CERS6: variants seen among roughly 807,000 people sequenced by gnomAD.
The protein encoded by CERS6 is LAG1 homolog, ceramide synthase 6.
In CERS6, 26 loss-of-function variants were observed where a neutral mutation model predicts 56.8. The ratio of observed to expected loss-of-function variants is 0.46; its 90% confidence interval spans 0.34 to 0.63. CERS6 has a LOEUF of 0.63. Among genes scored for constraint, CERS6 ranks in the 30% least tolerant of loss-of-function variants. The pLI is 0.01. For missense variants in CERS6, 415 were observed against 467.5 expected, an observed-to-expected ratio of 0.89 and a Z score of 1.04; for synonymous variants, 164 against 173.3, an observed-to-expected ratio of 0.95 and a Z score of 0.42.
At chr2:168,703,487 G>C (rs1686854659) in intron 6 of CERS6, among the ~76,000 whole-genome samples, 1 of 152,168 alleles carries the variant, frequency 6.6e-6, no homozygotes, top group South Asian at 2.1e-4. Flanking sequence ...GAACCCGAGA[G>C]GCGGAGATTG....
rs1490366590 is a variant in CERS6 at position 168,460,785 on chromosome 2, A to T, written c.170+4167A>T. On this transcript the variant is annotated intron_variant, in intron 1 of 9. Transcript: ENST00000305747. Reference sequence around the variant, plus strand: ...GGCTCTCAAAATGCTAGGCTATGTGAGGAGTGTCATCCTTTGGGAGGCTGA... The same window carrying T: ...GGCTCTCAAAATGCTAGGCTATGTGTGGAGTGTCATCCTTTGGGAGGCTGA... 3.3e-5 allele frequency among the ~76,000 whole-genome samples: 5 copies of T among 151,998 alleles called. No individual in the cohort carries two copies. In the East Asian group the frequency reaches 9.7e-4, roughly 30 times the overall value.
At chr2:168,531,750 G>A (rs903506211) in intron 1 of CERS6, among the ~76,000 whole-genome samples, 2 of 151,808 alleles carry the variant, frequency 1.3e-5, no homozygotes, top group African/African-American at 4.8e-5. Context: ...GAACCTGAGA[G>A]GTGGAGGTTG....
intron 4 of CERS6, among the ~76,000 whole-genome samples, chr2:168,634,719 G>A (rs1260585185): frequency 6.6e-6 from 1 of 152,096 alleles, no homozygotes; most frequent in Non-Finnish European, 1.5e-5. Context: ...GACACATGTG[G>A]TACATTTTGT....
intron 3 of CERS6, among the ~76,000 whole-genome samples, chr2:168,573,442 A>G (rs1427605536): frequency 6.6e-6 from 1 of 152,184 alleles, no homozygotes; most frequent in Non-Finnish European, 1.5e-5. Flanking sequence ...CAGAGTTACT[A>G]TTGAAGTATA....
At chr2:168,569,530 CGCGTGCACACGCGTGTGT>C (rs1164349973) in intron 3 of CERS6, among the ~76,000 whole-genome samples, 1 of 152,122 alleles carries the variant, frequency 6.6e-6, no homozygotes, top group Non-Finnish European at 1.5e-5. Flanking sequence ...TGTGTGTGTG[CGCGTGCACACGCGTGTGT>C]GCATATATAC....
chr2:168,748,061 A>AAAATCTGTG (rs527283876), intron 8 of CERS6, among the ~76,000 whole-genome samples: 86 of 152,358 alleles, frequency 5.6e-4, no homozygotes, highest in African/African-American at 1.9e-3. Flanking sequence ...TTTTCTCATC[A>AAAATCTGTG]AAATCTGTGA....
intron 3 of CERS6, among the ~76,000 whole-genome samples, chr2:168,617,817 G>A (rs1436369766): frequency 6.6e-6 from 1 of 152,132 alleles, no homozygotes; most frequent in Non-Finnish European, 1.5e-5. Context: ...AGTACGATTG[G>A]TACCAATCCT....
chr2:168,571,874 G>A (rs1467744058), intron 3 of CERS6, among the ~76,000 whole-genome samples: 1 of 152,132 alleles, frequency 6.6e-6, no homozygotes, highest in Non-Finnish European at 1.5e-5. Flanking sequence ...ATTATTGACT[G>A]CAAGGTGAGC....
At chr2:168,521,254 G>T (rs1360197471) in intron 1 of CERS6, among the ~76,000 whole-genome samples, 1 of 152,206 alleles carries the variant, frequency 6.6e-6, no homozygotes. Flanking sequence ...GTTATGTTCT[G>T]TAAGTGAAAC....
chr2:168,670,980 C>CCG (rs397710827), intron 4 of CERS6, among the ~76,000 whole-genome samples: 1 of 82,232 alleles, frequency 1.2e-5, no homozygotes, highest in South Asian at 6.7e-4. Flanking sequence ...CCCCCCCCCC[C>CCG]AGACGGAAGC....
In CERS6 at chr2:168,675,937, G is replaced by T. The variant is rs10165391; in HGVS notation, c.466-15097G>T. On this transcript the variant is annotated intron_variant, in intron 4 of 9. Coordinates refer to ENST00000305747, the MANE Select transcript of CERS6 (RefSeq NM_203463.3). ...CTTGACCTTGTGATCTGCCCACCTC[G>T]GCCTCCCAAAGTGCTGAGATTACAG... Among the ~76,000 whole-genome samples, 89 of 152,114 alleles carry T rather than the reference G, an allele frequency of 5.9e-4. No homozygotes were observed. The East Asian group carries it at 0.013, about 22-fold the overall frequency.
intron 1 of CERS6, among the ~76,000 whole-genome samples, chr2:168,487,679 T>C (rs1041045564): frequency 2.0e-5 from 3 of 152,214 alleles, no homozygotes; most frequent in Non-Finnish European, 4.4e-5. Flanking sequence ...TGTGTTTTCC[T>C]TAGTATTCTC....
intron 8 of CERS6, among the ~76,000 whole-genome samples, chr2:168,750,246 A>C (rs1269249988): frequency 6.6e-6 from 1 of 152,146 alleles, no homozygotes; most frequent in African/African-American, 2.4e-5. Context: ...GGCTTTTGTT[A>C]ATGCTTGGCT....
chr2:168,470,247 G>T (rs978303703), intron 1 of CERS6, among the ~76,000 whole-genome samples: 2 of 151,742 alleles, frequency 1.3e-5, no homozygotes, highest in African/African-American at 4.8e-5. Context: ...GCTGGGCGTG[G>T]TGGTATGCAC....
chr2:168,500,670 A>T (rs909580376), intron 1 of CERS6, among the ~76,000 whole-genome samples: 7 of 152,164 alleles, frequency 4.6e-5, no homozygotes, highest in Non-Finnish European at 1.0e-4. Flanking sequence ...CTATTTAAAG[A>T]ATTCAAACCA....
chr2:168,760,816 C>T (rs1199887746), intron 8 of CERS6, among the ~76,000 whole-genome samples: 2 of 151,760 alleles, frequency 1.3e-5, no homozygotes, highest in Non-Finnish European at 2.9e-5. Context: ...AGTGCAGTGG[C>T]GCGATCTCGG....
chr2:168,586,194 G>A (rs1476083867), intron 3 of CERS6, among the ~76,000 whole-genome samples: 9 of 149,226 alleles, frequency 6.0e-5, no homozygotes, highest in Non-Finnish European at 1.2e-4. Flanking sequence ...TGATATTGCC[G>A]GGGCTGGTAA....
In CERS6 at chr2:168,670,975, C is replaced by CT. The variant is rs1553506475; in HGVS notation, c.466-20059_466-20058insT. On this transcript the variant is annotated intron_variant, in intron 4 of 9. Coordinates refer to ENST00000305747, the MANE Select transcript of CERS6 (RefSeq NM_203463.3). ...GTGCTGGATACATGCTTCCCCCCCC[C>CT]CCCCCAGACGGAAGCTTGCTCTGTT... Among the ~76,000 whole-genome samples, 54 of 70,064 alleles carry CT rather than the reference C, an allele frequency of 7.7e-4. 9 individuals carry two copies. Among genetic ancestry groups the CT allele is most frequent in the Non-Finnish European group, 1.7e-3 (34 of 20,206 alleles). The allele number at this position is 70,064 out of a possible 152,430, so 46.0% of individuals were successfully genotyped here.
rs368779298 is a variant in CERS6, at chr2:168,459,632, G to GT, written c.170+3025dup. ...TTGATTGACAGAGTAAAGTATGTGG[G>GT]TTTTTTTTTTTCCCCCAACTGGGCT... is the stretch of plus-strand genomic sequence containing the variant. On this transcript the variant is annotated intron_variant, in intron 1 of 9. Transcript: ENST00000305747. Among the ~76,000 whole-genome samples the GT allele has an allele frequency of 9.3e-4, 137 of 147,544 alleles. 1 individual carries two copies. The highest frequency in any genetic ancestry group is 2.6e-3 in the African/African-American group (103 of 40,230).
Sources: gnomAD v4.1 joint callset for allele counts (sites outside exome capture counted in the v4.1 genomes callset) on GRCh38, gnomAD v4.1.1 for gene constraint, MANE v1.5 for transcripts, NCBI Gene and HGNC (gene_info 2026-07-23, HGNC 2026-07-21) for gene names.